The following F10 variants were observed in gnomAD, a reference collection of about 807,000 sequenced individuals.
The protein encoded by F10 is Stuart-Prower factor.
In F10, 29 loss-of-function variants were observed where a neutral mutation model predicts 37.1. That is an observed-to-expected ratio of 0.78 (90% confidence interval 0.58 to 1.07). The LOEUF (loss-of-function observed/expected upper bound fraction) is 1.07. F10 is among the 50% of genes least tolerant of loss of function. The pLI is 0.00. For missense variants in F10, 539 were observed against 667.9 expected, an observed-to-expected ratio of 0.81 and a Z score of 2.13; for synonymous variants, 262 against 268.6, an observed-to-expected ratio of 0.98 and a Z score of 0.24.
intron 6 of F10, among the ~76,000 whole-genome samples, chr13:113,145,683 T>C (rs1399086596): frequency 1.3e-5 from 2 of 152,174 alleles, no homozygotes; most frequent in Non-Finnish European, 2.9e-5. Flanking sequence ...GGCCTCACCG[T>C]CACGGTGGAA....
intron 5 of F10, among the ~76,000 whole-genome samples, chr13:113,142,761 A>AT (rs546245276): frequency 0.014 from 1,064 of 75,354 alleles, 103 homozygotes; most frequent in Middle Eastern, 0.041. Context: ...CCCTGTCTCT[A>AT]TAAAAAAAAA....
chr13:113,133,659 A>C (rs991882068), intron 2 of F10, among the ~76,000 whole-genome samples: 3 of 152,242 alleles, frequency 2.0e-5, no homozygotes, highest in African/African-American at 7.2e-5. Flanking sequence ...AAGAGGGAAC[A>C]CTTCTTAGTT....
Position 113,143,770 on chromosome 13 carries a change from T to C in F10, c.503-81T>C. ...GCGCTCTGCCTCCCGGCTCTCTGACTCTTCTCCCTCAGGGTGAGCTGTGCA... is the reference window on the plus strand; with the variant it reads ...GCGCTCTGCCTCCCGGCTCTCTGACCCTTCTCCCTCAGGGTGAGCTGTGCA... On this transcript the variant is annotated intron_variant, in intron 5 of 7. Transcript: ENST00000375559. The surrounding 1 kb of genome is among the most constrained non-coding windows in gnomAD (Gnocchi z 6.8). The C allele has an allele frequency of 6.3e-7, 1 of 1,592,974 alleles. No individual in the cohort carries two copies. The highest frequency in any genetic ancestry group is 8.5e-7 in the Non-Finnish European group (1 of 1,175,094).
rs754157800 is a variant in F10 at position 113,149,289 on chromosome 13, T to C, written c.1239T>C (p.Asp413=). The part of the protein sequence containing the change: ...FCAGYDTKQE[D]ACQGDSGGPH... Reference sequence around the variant, plus strand: ...CCGGCTACGACACCAAGCAGGAGGATGCCTGCCAGGGGGACAGCGGGGGCC... The same window carrying C: ...CCGGCTACGACACCAAGCAGGAGGACGCCTGCCAGGGGGACAGCGGGGGCC... The change falls in exon 8 of 8, where the codon GAT becomes GAC. Residue 413 remains aspartate, a synonymous_variant. Coordinates refer to ENST00000375559, the MANE Select transcript of F10 (RefSeq NM_000504.4). This position sits in a 1 kb window ranked among gnomAD's most constrained non-coding sequence, Gnocchi z 7.5. 1 of 1,613,180 alleles carries C rather than the reference T, an allele frequency of 6.2e-7. No homozygotes were observed. The highest frequency in any genetic ancestry group is 1.1e-5 in the South Asian group (1 of 91,082).
At chr13:113,147,809 G>A (rs1029846010) in intron 7 of F10, among the ~76,000 whole-genome samples, 1 of 152,264 alleles carries the variant, frequency 6.6e-6, no homozygotes, top group East Asian at 1.9e-4. Flanking sequence ...GTGTCTCAGT[G>A]TCTTTTATTG....
intron 1 of F10, among the ~76,000 whole-genome samples, chr13:113,124,840 C>T (rs919568730): frequency 1.2e-4 from 18 of 152,230 alleles, no homozygotes; most frequent in East Asian, 5.8e-4. Flanking sequence ...AAGGCGTCAG[C>T]GGGGCTGGTT....
intron 5 of F10, among the ~76,000 whole-genome samples, chr13:113,142,707 CCT>C (rs2036543385): frequency 6.8e-6 from 1 of 147,516 alleles, no homozygotes. Context: ...GGGTGGATCA[CCT>C]GAGGTCAGGA....
Position 113,143,808 on chromosome 13 carries a change from CCT to C in F10, c.503-36_503-35del, listed in dbSNP as rs761072613. 11 of 1,606,522 alleles carry C rather than the reference CCT, an allele frequency of 6.8e-6. No individual in the cohort carries two copies. Among genetic ancestry groups the C allele is most frequent in the Admixed American group, 1.7e-5 (1 of 60,030 alleles). On this transcript the variant is annotated intron_variant, in intron 5 of 7. Transcript: ENST00000375559. This position sits in a 1 kb window ranked among gnomAD's most constrained non-coding sequence, Gnocchi z 6.8. ...GGTGAGCTGTGCAGGCTATGGGGAG[CCT>C]CTCTCTGTGCTGAAGGCCCCGGCCG...
Position 113,137,606 on chromosome 13 carries a change from A to G in F10, c.232-851A>G, listed in dbSNP as rs184185483. On this transcript the variant is annotated intron_variant, in intron 2 of 7. Coordinates refer to ENST00000375559, the MANE Select transcript of F10 (RefSeq NM_000504.4). ...GATTTATTGTCGCAGCTTTGGAGAC[A>G]AGTCTGAAATTAGGGTGTCAGCAGT... is the stretch of plus-strand genomic sequence containing the variant. 2.0e-5 allele frequency among the ~76,000 whole-genome samples: 3 copies of G among 152,308 alleles called. No homozygotes were observed. In the East Asian group the frequency reaches 5.8e-4, roughly 29 times the overall value.
chr13:113,130,141 A>C, intron 2 of F10: 1 of 200,898 alleles, frequency 5.0e-6, no homozygotes, highest in South Asian at 9.0e-5. Context: ...CGAACCCGGC[A>C]CTGCGCCTGC....
chr13:113,132,571 A>G (rs2036444270), intron 2 of F10, among the ~76,000 whole-genome samples: 1 of 152,212 alleles, frequency 6.6e-6, no homozygotes, highest in Admixed American at 6.5e-5. Flanking sequence ...CACATTCCAC[A>G]CTGCCTCTCC....
chr13:113,143,743 C>CGTATCATTAAAAAAA lies in F10; in HGVS notation c.503-108_503-107insGTATCATTAAAAAAA. 1 of 1,561,966 alleles carries CGTATCATTAAAAAAA rather than the reference C, an allele frequency of 6.4e-7. No homozygotes were observed. Among genetic ancestry groups the CGTATCATTAAAAAAA allele is most frequent in the Non-Finnish European group, 8.7e-7 (1 of 1,152,930 alleles). On this transcript the variant is annotated intron_variant, in intron 5 of 7. Coordinates refer to ENST00000375559, the MANE Select transcript of F10 (RefSeq NM_000504.4). This position sits in a 1 kb window ranked among gnomAD's most constrained non-coding sequence, Gnocchi z 6.8. ...AAGCCCGCTGCCCCTCCGGGTGCCC[C>CGTATCATTAAAAAAA]TGCGCTCTGCCTCCCGGCTCTCTGA... is the stretch of plus-strand genomic sequence containing the variant.
Position 113,149,291 on chromosome 13 carries a change from C to A in F10, c.1241C>A (p.Ala414Asp). The change falls in exon 8 of 8, where the codon GCC becomes GAC. Residue 414 changes from alanine to aspartate, a missense_variant. By Grantham distance (126) the Ala-to-Asp change is moderately radical (BLOSUM62 -2). Transcript: ENST00000375559. The surrounding 1 kb of genome is among the most constrained non-coding windows in gnomAD (Gnocchi z 7.5). ...CAGYDTKQED[A>D]CQGDSGGPHV... The stretch of plus-strand genomic sequence containing the variant: ...GGCTACGACACCAAGCAGGAGGATG[C>A]CTGCCAGGGGGACAGCGGGGGCCCG... 1 of 1,613,210 alleles carries A rather than the reference C, an allele frequency of 6.2e-7. No homozygotes were observed. The highest frequency in any genetic ancestry group is 8.5e-7 in the Non-Finnish European group (1 of 1,180,026).
Position 113,125,614 on chromosome 13 carries a change from A to G in F10, c.70+2689A>G, listed in dbSNP as rs923859655. The stretch of plus-strand genomic sequence containing the variant: ...GTTTTGCCAAAATCCCATTTTACTC[A>G]CATCAGAAAGTGTGGCCACGTGGCC... On this transcript the variant is annotated intron_variant, in intron 1 of 7. Transcript: ENST00000375559. 2.0e-5 allele frequency among the ~76,000 whole-genome samples: 3 copies of G among 152,368 alleles called. No individual in the cohort carries two copies. In the East Asian group the frequency reaches 5.8e-4, roughly 29 times the overall value.
At chr13:113,147,231 G>A in intron 6 of F10, 148 bp from the exon 7 acceptor site, 1 of 688,272 alleles carries the variant, frequency 1.5e-6, no homozygotes, top group South Asian at 1.5e-5. Context: ...AGACAGACAA[G>A]GAACTGTCCT....
chr13:113,146,693 A>G lies in F10; in HGVS notation c.748-686A>G, dbSNP rs1234739492. Among the ~76,000 whole-genome samples, 7 of 152,298 alleles carry G rather than the reference A, an allele frequency of 4.6e-5. No homozygotes were observed. The East Asian group carries it at 1.3e-3, about 29-fold the overall frequency. On this transcript the variant is annotated intron_variant, in intron 6 of 7. Transcript: ENST00000375559. The surrounding 1 kb of genome is among the most constrained non-coding windows in gnomAD (Gnocchi z 4.5). Reference sequence around the variant, plus strand: ...TTTAAGAAATGTTTTAAGACTCGGTATTGTCAGTAGTTTCATTGGTCTGTA... The same window carrying G: ...TTTAAGAAATGTTTTAAGACTCGGTGTTGTCAGTAGTTTCATTGGTCTGTA...
Position 113,123,477 on chromosome 13 carries a change from G to A in F10, c.70+552G>A, listed in dbSNP as rs1050968813. On this transcript the variant is annotated intron_variant, in intron 1 of 7. Transcript: ENST00000375559. ...GCAGCAGGGCTGTCCAGGACCCCCG[G>A]GTCTGTCCAAAAGCAGAGGCCCAGA... 2.0e-5 allele frequency among the ~76,000 whole-genome samples: 3 copies of A among 152,252 alleles called. No homozygotes were observed. In the East Asian group the frequency reaches 5.8e-4, roughly 29 times the overall value.
intron 1 of F10, among the ~76,000 whole-genome samples, chr13:113,125,414 G>T (rs1387104589): frequency 6.6e-6 from 1 of 152,214 alleles, no homozygotes; most frequent in Non-Finnish European, 1.5e-5. Context: ...GGAATTCACT[G>T]ATGTTGCCAA....
rs1262281081 is a variant in F10 at position 113,143,072 on chromosome 13, T to C, written c.503-779T>C. ...CAGATTCACCGGAGCCTCCTCAGAC[T>C]GCGCAGGAGCACAGCAAGTAAACAG... On this transcript the variant is annotated intron_variant, in intron 5 of 7. Coordinates refer to ENST00000375559, the MANE Select transcript of F10 (RefSeq NM_000504.4). The surrounding 1 kb of genome is among the most constrained non-coding windows in gnomAD (Gnocchi z 6.8). Among the ~76,000 whole-genome samples, 1 of 152,120 alleles carries C rather than the reference T, an allele frequency of 6.6e-6. No individual in the cohort carries two copies. The highest frequency in any genetic ancestry group is 2.4e-5 in the African/African-American group (1 of 41,414).
Sources: gnomAD v4.1 joint callset for allele counts (sites outside exome capture counted in the v4.1 genomes callset) on GRCh38, gnomAD v4.1.1 for gene constraint, Gnocchi (gnomAD v3.1) non-coding constraint, MANE v1.5 for transcripts, NCBI Gene and HGNC (gene_info 2026-07-23, HGNC 2026-07-21) for gene names.